ENTREP2: variants seen among roughly 807,000 people sequenced by gnomAD.
The protein encoded by ENTREP2 is protein ENTREP2.
At chr15:29,248,433 T>C in the ENTREP2 span, among the ~76,000 whole-genome samples, 1 of 152,146 alleles carries the variant, frequency 6.6e-6, no homozygotes, top group Non-Finnish European at 1.5e-5. Context: ...GGAATATATT[T>C]GCCCAATATA....
chr15:29,265,047 C>T, the ENTREP2 span: 1 of 152,048 alleles, frequency 6.6e-6, no homozygotes, highest in African/African-American at 2.4e-5. Flanking sequence ...AGCATATATA[C>T]ATCCAAAGTC....
At chr15:29,619,591 C>T in the ENTREP2 span, among the ~76,000 whole-genome samples, 1 of 152,044 alleles carries the variant, frequency 6.6e-6, no homozygotes, top group Non-Finnish European at 1.5e-5. Flanking sequence ...GAGGGACAGA[C>T]ACAGTACTGA....
the ENTREP2 span, among the ~76,000 whole-genome samples, chr15:29,196,062 T>C: frequency 6.6e-6 from 1 of 152,142 alleles, no homozygotes; most frequent in Non-Finnish European, 1.5e-5. Context: ...CCTCCAAATA[T>C]CTTTTAAAAA....
the ENTREP2 span, among the ~76,000 whole-genome samples, chr15:29,536,895 GA>G: frequency 6.6e-6 from 1 of 152,100 alleles, no homozygotes; most frequent in Admixed American, 6.5e-5. Flanking sequence ...GCCACCACCA[GA>G]AGCCAGGAGA....
the ENTREP2 span, among the ~76,000 whole-genome samples, chr15:29,247,561 T>C: frequency 6.6e-6 from 1 of 152,178 alleles, no homozygotes; most frequent in Non-Finnish European, 1.5e-5. Context: ...TGAATGAATA[T>C]GAATAAAAAG....
chr15:29,310,415 C>T, the ENTREP2 span, among the ~76,000 whole-genome samples: 12 of 152,288 alleles, frequency 7.9e-5, no homozygotes, highest in Middle Eastern at 0.01. Context: ...TGCCCTGGCT[C>T]GGTCAAGGGG....
At chr15:29,586,459 G>C in the ENTREP2 span, among the ~76,000 whole-genome samples, 7 of 152,170 alleles carry the variant, frequency 4.6e-5, no homozygotes, top group African/African-American at 1.4e-4. Flanking sequence ...GAATTTTATG[G>C]TATGTGAATT....
the ENTREP2 span, among the ~76,000 whole-genome samples, chr15:29,441,589 T>C: frequency 2.0e-5 from 3 of 152,234 alleles, no homozygotes; most frequent in South Asian, 2.1e-4. Flanking sequence ...TTATGAATTA[T>C]ACTGGGTGTG....
the ENTREP2 span, among the ~76,000 whole-genome samples, chr15:29,623,973 G>C: frequency 1.3e-5 from 2 of 152,106 alleles, no homozygotes; most frequent in East Asian, 1.9e-4. Flanking sequence ...CCTGACCTCA[G>C]GTGATCCACC....
At chr15:29,607,793 T>C in the ENTREP2 span, among the ~76,000 whole-genome samples, 80 of 144,532 alleles carry the variant, frequency 5.5e-4, 2 homozygotes, top group Admixed American at 3.9e-3. Flanking sequence ...ACTAATAGAA[T>C]AGAGGGATAG....
the ENTREP2 span, among the ~76,000 whole-genome samples, chr15:29,182,999 A>G: frequency 6.6e-6 from 1 of 152,200 alleles, no homozygotes; most frequent in East Asian, 1.9e-4. Flanking sequence ...TCAGTGTGAG[A>G]GGCAAAGTTT....
At chr15:29,260,736 A>AT in the ENTREP2 span, among the ~76,000 whole-genome samples, 1 of 118,180 alleles carries the variant, frequency 8.5e-6, no homozygotes, top group South Asian at 3.0e-4. Flanking sequence ...CTTGTACCTC[A>AT]TCTTTCTACT....
chr15:29,532,415 C>T, the ENTREP2 span, among the ~76,000 whole-genome samples: 3 of 152,190 alleles, frequency 2.0e-5, no homozygotes, highest in Non-Finnish European at 2.9e-5. Context: ...TTGATTTAGG[C>T]ATTTATTCAA....
At chr15:29,264,711 CTA>C in the ENTREP2 span, among the ~76,000 whole-genome samples, 1 of 152,134 alleles carries the variant, frequency 6.6e-6, no homozygotes, top group Non-Finnish European at 1.5e-5. Context: ...AGAAACATAA[CTA>C]AATAGTTCAG....
At chr15:29,443,788 T>A in the ENTREP2 span, among the ~76,000 whole-genome samples, 1 of 151,946 alleles carries the variant, frequency 6.6e-6, no homozygotes, top group Non-Finnish European at 1.5e-5. Flanking sequence ...TTGATTGGCA[T>A]TCAGTGAATC....
At chr15:29,185,372 TG>T in the ENTREP2 span, among the ~76,000 whole-genome samples, 6 of 152,176 alleles carry the variant, frequency 3.9e-5, no homozygotes, top group Non-Finnish European at 8.8e-5. Flanking sequence ...TTTTGTCCTT[TG>T]TTCTTCCCCT....
chr15:29,204,555 T>G, the ENTREP2 span, among the ~76,000 whole-genome samples: 15 of 151,806 alleles, frequency 9.9e-5, no homozygotes, highest in Admixed American at 3.3e-4. Flanking sequence ...GGTGACAGAG[T>G]CAGACTACTC....
chr15:29,335,727 G>A, the ENTREP2 span, among the ~76,000 whole-genome samples: 7 of 134,794 alleles, frequency 5.2e-5, no homozygotes, highest in Admixed American at 1.4e-4. Context: ...AGCTAAGACA[G>A]TCCCCACAGA....
chr15:29,340,859 T>C, the ENTREP2 span, among the ~76,000 whole-genome samples: 2 of 152,110 alleles, frequency 1.3e-5, no homozygotes, highest in African/African-American at 4.8e-5. Context: ...AACTTCAGAG[T>C]CATGGACTGT....
Sources: gnomAD v4.1 joint callset for allele counts (sites outside exome capture counted in the v4.1 genomes callset) on GRCh38, gnomAD v4.1.1 for gene constraint, MANE v1.5 for transcripts, NCBI Gene and HGNC (gene_info 2026-07-23, HGNC 2026-07-21) for gene names.